CASZ1: variants seen among roughly 807,000 people sequenced by gnomAD.
CASZ1 encodes castor zinc finger 1.
CASZ1 carries 28 observed loss-of-function variants against 135.2 expected under a neutral mutation model. That is an observed-to-expected ratio of 0.21 (90% CI 0.15 to 0.28). The LOEUF (loss-of-function observed/expected upper bound fraction) is 0.28. Ranked by LOEUF, CASZ1 falls within the 10% of genes least tolerant of loss-of-function variation. The probability of loss-of-function intolerance (pLI) is 1.00; values close to 1 mark genes in which losing one functional copy is unlikely to be tolerated. For synonymous variants in CASZ1, 1,068 were observed against 1,073.4 expected (o/e 0.99, Z 0.10); for missense variants, 2,161 against 2,453.3 (o/e 0.88, Z 2.52).
intron 1 of CASZ1, among the ~76,000 whole-genome samples, chr1:10,783,349 A>G (rs1410493709): frequency 6.6e-6 from 1 of 151,926 alleles, no homozygotes; most frequent in Non-Finnish European, 1.5e-5. Context: ...CCTCCCAAGA[A>G]GAAGGGCCTG....
At chr1:10,696,474 C>G (rs74624161) in intron 3 of CASZ1, among the ~76,000 whole-genome samples, 2 of 152,220 alleles carry the variant, frequency 1.3e-5, no homozygotes, top group Admixed American at 6.5e-5. Flanking sequence ...CCTCTGCTCC[C>G]GACATGGGAT....
At chr1:10,691,063 C>T (rs1338780346) in intron 4 of CASZ1, among the ~76,000 whole-genome samples, 2 of 147,654 alleles carry the variant, frequency 1.4e-5, no homozygotes, top group East Asian at 1.9e-4. Flanking sequence ...ACTATGTCCT[C>T]CTCTCTTCCT....
rs1327829519 is a variant in CASZ1 at position 10,639,988 on chromosome 1, A to C, written c.4234T>G (p.Phe1412Val). ...RFWIIEDMSPFGKRRKTASSR... is the reference protein window; with the variant it reads ...RFWIIEDMSPVGKRRKTASSR... ...GACGCCGTCTTCCGCCGCTTGCCGA[A>C]GGGCGACATGTCCTCGATGATCCAG... is the stretch of plus-strand genomic sequence containing the variant. Residue 1412 changes from phenylalanine to valine, a missense_variant, in exon 21 of 21, where the codon TTC becomes GTC. Physicochemically the swap from Phe to Val is conservative, Grantham distance 50. Coordinates refer to ENST00000377022, the MANE Select transcript of CASZ1 (RefSeq NM_001079843.3). This position sits in a 1 kb window ranked among gnomAD's most constrained non-coding sequence, Gnocchi z 4.0. 2 of 1,612,586 alleles carry C rather than the reference A, an allele frequency of 1.2e-6. No homozygotes were observed. Among genetic ancestry groups the C allele is most frequent in the Non-Finnish European group, 1.7e-6 (2 of 1,180,020 alleles).
At chr1:10,673,479 T>C (rs1456946220) in intron 4 of CASZ1, among the ~76,000 whole-genome samples, 1 of 151,962 alleles carries the variant, frequency 6.6e-6, no homozygotes, top group Non-Finnish European at 1.5e-5. Flanking sequence ...ACACACTCTC[T>C]CGCACTCTTG....
At chr1:10,689,018 CA>C (rs1180234723) in intron 4 of CASZ1, among the ~76,000 whole-genome samples, 2 of 152,152 alleles carry the variant, frequency 1.3e-5, no homozygotes, top group African/African-American at 4.8e-5. Context: ...GAGGTGGGAG[CA>C]GCGGCCAGGG....
intron 20 of CASZ1, 94 bp from the exon 21 acceptor site, chr1:10,640,153 C>T (rs955068152): frequency 5.3e-6 from 8 of 1,499,468 alleles, no homozygotes; most frequent in Admixed American, 4.2e-5. Context: ...TCTGGCATGG[C>T]GCCAGAGGGC....
In CASZ1 at chr1:10,639,987, A is replaced by C. The variant is rs181557754; in HGVS notation, c.4235T>G (p.Phe1412Cys). Residue 1412 changes from phenylalanine to cysteine, a missense_variant, in exon 21 of 21, where the codon TTC becomes TGC. Physicochemically the swap from Phe to Cys is radical, Grantham distance 205 (BLOSUM62 -2). Coordinates refer to ENST00000377022, the MANE Select transcript of CASZ1 (RefSeq NM_001079843.3). This position sits in a 1 kb window ranked among gnomAD's most constrained non-coding sequence, Gnocchi z 4.0. ...RFWIIEDMSP[F>C]GKRRKTASSR... The stretch of plus-strand genomic sequence containing the variant: ...GGACGCCGTCTTCCGCCGCTTGCCG[A>C]AGGGCGACATGTCCTCGATGATCCA... 2,317 of 1,612,702 alleles carry C rather than the reference A, an allele frequency of 1.4e-3. 5 individuals carry two copies. Among genetic ancestry groups the C allele is most frequent in the Non-Finnish European group, 1.4e-3 (1,643 of 1,180,014 alleles).
At chr1:10,793,756 C>T (rs1172533867) in intron 1 of CASZ1, among the ~76,000 whole-genome samples, 1 of 151,916 alleles carries the variant, frequency 6.6e-6, no homozygotes, top group Non-Finnish European at 1.5e-5. Context: ...TCCAATTCGC[C>T]GGACTCTGGG....
Position 10,639,100 on chromosome 1 carries a change from C to A in CASZ1, c.5122G>T (p.Glu1708Ter). 1 of 1,150,492 alleles carries A rather than the reference C, an allele frequency of 8.7e-7. No homozygotes were observed. Among genetic ancestry groups the A allele is most frequent in the Non-Finnish European group, 1.1e-6 (1 of 911,864 alleles). The allele number at this position is 1,150,492 out of a possible 1,614,324, so 71.3% of individuals were successfully genotyped here. The part of the protein sequence containing the change: ...DEDDDDEDDD[E>*]DDDDEDLRTD... ...CGCAGGTCCTCGTCGTCGTCGTCCT[C>A]GTCGTCGTCCTCGTCGTCGTCGTCC... is the stretch of plus-strand genomic sequence containing the variant. Residue 1708 changes from glutamate (E) to a stop codon, truncating the protein, a stop_gained, in exon 21 of 21, where the codon GAG (glutamate) becomes TAG (stop). Transcript: ENST00000377022. LOFTEE classifies it high-confidence loss of function. This position sits in a 1 kb window ranked among gnomAD's most constrained non-coding sequence, Gnocchi z 4.0.
At chr1:10,703,172 C>T (rs1319554833) in intron 3 of CASZ1, among the ~76,000 whole-genome samples, 2 of 152,194 alleles carry the variant, frequency 1.3e-5, no homozygotes, top group African/African-American at 4.8e-5. Context: ...GACTCTGCAG[C>T]AGACCTCTGG....
rs117572125 is a variant in CASZ1 at position 10,767,791 on chromosome 1, T to C, written c.-233-6934A>G. 1.8e-3 allele frequency among the ~76,000 whole-genome samples: 273 copies of C among 152,326 alleles called. 7 individuals are homozygous for C. The East Asian group carries it at 0.038, about 21-fold the overall frequency. Reference sequence around the variant, plus strand: ...ATCAGCAGGTCCGGTTGCAGCTCCCTGTCTGTCTTGCCCACTGCCCCGGGG... The same window carrying C: ...ATCAGCAGGTCCGGTTGCAGCTCCCCGTCTGTCTTGCCCACTGCCCCGGGG... On this transcript the variant is annotated intron_variant, in intron 1 of 20. Transcript: ENST00000377022. The surrounding 1 kb of genome is among the most constrained non-coding windows in gnomAD (Gnocchi z 4.2).
chr1:10,743,477 C>T (rs1389916880), intron 2 of CASZ1, among the ~76,000 whole-genome samples: 1 of 151,444 alleles, frequency 6.6e-6, no homozygotes, highest in Non-Finnish European at 1.5e-5. Context: ...ACCCCGGCAT[C>T]CTCCACGTAG....
At position 10,706,409 on chromosome 1, in the gene CASZ1, A is replaced by G. The variant is rs11804707; in HGVS notation, c.-76-865T>C. On this transcript the variant is annotated intron_variant, in intron 2 of 20. Transcript: ENST00000377022. This position sits in a 1 kb window ranked among gnomAD's most constrained non-coding sequence, Gnocchi z 4.3. ...CTGCCCCTGCAGGCCTCAGAACCCT[A>G]TCCAGGCTTGGGGAGGGCTGTCTGT... Among the ~76,000 whole-genome samples the G allele has an allele frequency of 0.11, 17,158 of 152,124 alleles. 1,285 individuals carry two copies. The highest frequency in any genetic ancestry group is 0.32 in the East Asian group (1,634 of 5,156).
In CASZ1 at chr1:10,711,209, C is replaced by T. The variant is rs115321855; in HGVS notation, c.-76-5665G>A. Among the ~76,000 whole-genome samples the T allele has an allele frequency of 0.01, 1,548 of 152,352 alleles. 13 individuals are homozygous for T. Among genetic ancestry groups the T allele is most frequent in the Non-Finnish European group, 0.017 (1,163 of 68,034 alleles). ...AGTTTGAATCCTGCCTCTGCTGCCT[C>T]CTGCCATGCAATTGGGTACGCAGGC... On this transcript the variant is annotated intron_variant, in intron 2 of 20. Transcript: ENST00000377022. This position sits in a 1 kb window ranked among gnomAD's most constrained non-coding sequence, Gnocchi z 4.4.
rs540563159 is a variant in CASZ1, at chr1:10,666,155, G to A, written c.17-584C>T. ...GGCTGGCACCCTCCCACCCGAGCAC[G>A]TCAGCCCCTGGCGGCTCCTCTGCCA... On this transcript the variant is annotated intron_variant, in intron 4 of 20. Coordinates refer to ENST00000377022, the MANE Select transcript of CASZ1 (RefSeq NM_001079843.3). This position sits in a 1 kb window ranked among gnomAD's most constrained non-coding sequence, Gnocchi z 5.2. Among the ~76,000 whole-genome samples the A allele has an allele frequency of 1.3e-5, 2 of 152,226 alleles. No individual in the cohort carries two copies. The highest frequency in any genetic ancestry group is 1.9e-4 in the East Asian group (1 of 5,158).
At chr1:10,649,920 TGCAGCG>T (rs1283971892) in intron 13 of CASZ1, 1 of 141,864 alleles carries the variant, frequency 7.0e-6, no homozygotes, top group Non-Finnish European at 1.5e-5. Context: ...ACAGGCTTGC[TGCAGCG>T]GCCGGGAGGG....
At chr1:10,665,662 A>G in intron 4 of CASZ1, 91 bp from the exon 5 acceptor site, 1 of 1,388,244 alleles carries the variant, frequency 7.2e-7, no homozygotes, top group Non-Finnish European at 9.5e-7. Context: ...CCCAAGCTGC[A>G]GGCCTCCCCC....
rs1640284298 is a variant in CASZ1, at chr1:10,757,634, T to A, written c.-77+3067A>T. 1.3e-5 allele frequency among the ~76,000 whole-genome samples: 2 copies of A among 151,776 alleles called. No individual in the cohort carries two copies. The highest frequency in any genetic ancestry group is 2.9e-5 in the Non-Finnish European group (2 of 67,928). ...GAAACCCCGTCTCTACTAAAAACAC[T>A]AAAATTAGCCAGGCATGGTGGCGCT... On this transcript the variant is annotated intron_variant, in intron 2 of 20. Coordinates refer to ENST00000377022, the MANE Select transcript of CASZ1 (RefSeq NM_001079843.3). This position sits in a 1 kb window ranked among gnomAD's most constrained non-coding sequence, Gnocchi z 4.6.
At chr1:10,750,117 C>T (rs1301090580) in intron 2 of CASZ1, among the ~76,000 whole-genome samples, 1 of 152,124 alleles carries the variant, frequency 6.6e-6, no homozygotes, top group Non-Finnish European at 1.5e-5. Flanking sequence ...AGAGCCATGG[C>T]TCTGAGAAAC....
Sources: allele counts gnomAD v4.1 joint callset (sites outside exome capture counted in the v4.1 genomes callset), GRCh38; gene constraint gnomAD v4.1.1; non-coding constraint Gnocchi (gnomAD v3.1); transcripts MANE v1.5; gene names NCBI Gene and HGNC (gene_info 2026-07-23, HGNC 2026-07-21).